The following NBAS variants were observed in gnomAD, a reference collection of about 807,000 sequenced individuals.
NBAS encodes NBAS subunit of NRZ tethering complex.
Under a neutral mutation model 302.5 loss-of-function variants are expected in NBAS, and 219 were observed. The ratio of observed to expected loss-of-function variants is 0.72; its 90% CI spans 0.65 to 0.81. NBAS has a LOEUF of 0.81. Among genes scored for constraint, NBAS ranks in the 30% least tolerant of loss-of-function variants. The pLI is 0.00. For synonymous variants in NBAS, 1,118 were observed against 1,021.6 expected (o/e 1.09, Z -1.80); for missense variants, 2,932 against 2,841.6 (o/e 1.03, Z -0.72).
At chr2:15,544,965 C>T (rs1262214082) in intron 6 of NBAS, among the ~76,000 whole-genome samples, 5 of 151,754 alleles carry the variant, frequency 3.3e-5, no homozygotes, top group Admixed American at 3.3e-4. Context: ...GAGCCAAGAT[C>T]GTGTCACTGC....
At chr2:14,969,373 A>G in the NBAS span, among the ~76,000 whole-genome samples, 1 of 151,142 alleles carries the variant, frequency 6.6e-6, no homozygotes, top group Non-Finnish European at 1.5e-5. Context: ...TCTCAAAGTT[A>G]TTATTATTAT....
At chr2:15,455,527 A>C (rs1422673309) in intron 21 of NBAS, among the ~76,000 whole-genome samples, 1 of 152,110 alleles carries the variant, frequency 6.6e-6, no homozygotes, top group Non-Finnish European at 1.5e-5. Context: ...TAAGTATATG[A>C]AGTATATAAG....
the NBAS span, among the ~76,000 whole-genome samples, chr2:14,793,792 G>A: frequency 6.6e-6 from 1 of 151,960 alleles, no homozygotes; most frequent in Admixed American, 6.6e-5. Flanking sequence ...AACTAAAGTC[G>A]AAGAGTCTTA....
intron 42 of NBAS, 80 bp from the exon 43 acceptor site, chr2:15,277,181 C>T (rs1443787402): frequency 2.6e-6 from 4 of 1,533,354 alleles, no homozygotes; most frequent in Non-Finnish European, 2.7e-6. Context: ...AAGGAAGAAA[C>T]ACTACTTCTT....
chr2:15,378,394 TG>T (rs1289546755), intron 30 of NBAS, among the ~76,000 whole-genome samples: 1 of 152,154 alleles, frequency 6.6e-6, no homozygotes, highest in Non-Finnish European at 1.5e-5. Context: ...AAATGGCTAG[TG>T]GAAGAACAGC....
intron 35 of NBAS, among the ~76,000 whole-genome samples, chr2:15,334,734 T>A (rs567515327): frequency 6.6e-6 from 1 of 152,312 alleles, no homozygotes; most frequent in South Asian, 2.1e-4. Flanking sequence ...ATATTCTCCT[T>A]TCCTGTGTTT....
chr2:15,518,256 A>G (rs1476980294), intron 9 of NBAS, among the ~76,000 whole-genome samples: 1 of 152,186 alleles, frequency 6.6e-6, no homozygotes, highest in Non-Finnish European at 1.5e-5. Flanking sequence ...ATATGCATTA[A>G]TGATTATATC....
chr2:15,032,527 T>TTCC, the NBAS span, among the ~76,000 whole-genome samples: 1 of 152,196 alleles, frequency 6.6e-6, no homozygotes, highest in Non-Finnish European at 1.5e-5. Flanking sequence ...AGTAACTGAA[T>TTCC]TCCTCCTCAT....
the NBAS span, among the ~76,000 whole-genome samples, chr2:14,889,327 A>G: frequency 1.3e-4 from 20 of 152,240 alleles, no homozygotes; most frequent in Admixed American, 2.6e-4. Flanking sequence ...ACGTAATGCC[A>G]TCAAGAAAAC....
At chr2:15,499,075 C>T (rs1681182212) in intron 11 of NBAS, among the ~76,000 whole-genome samples, 1 of 151,890 alleles carries the variant, frequency 6.6e-6, no homozygotes, top group Non-Finnish European at 1.5e-5. Context: ...ATGACAAGTA[C>T]GTGCCACCAC....
the NBAS span, among the ~76,000 whole-genome samples, chr2:14,974,155 T>C: frequency 6.6e-6 from 1 of 152,250 alleles, no homozygotes; most frequent in African/African-American, 2.4e-5. Context: ...TTTATGCACA[T>C]CTTGTTTCTA....
the NBAS span, among the ~76,000 whole-genome samples, chr2:14,846,288 G>C: frequency 6.6e-6 from 1 of 151,986 alleles, no homozygotes; most frequent in Non-Finnish European, 1.5e-5. Flanking sequence ...GAAACTTATA[G>C]AAAACCTATT....
At chr2:15,308,511 T>A (rs958835748) in intron 39 of NBAS, among the ~76,000 whole-genome samples, 158 bp from the exon 40 acceptor site, 6 of 152,160 alleles carry the variant, frequency 3.9e-5, no homozygotes, top group Non-Finnish European at 7.3e-5. Flanking sequence ...ATATTAAAAA[T>A]CACAAGGCAC....
chr2:14,964,578 C>T, the NBAS span, among the ~76,000 whole-genome samples: 1 of 152,080 alleles, frequency 6.6e-6, no homozygotes, highest in East Asian at 1.9e-4. Flanking sequence ...GACAAATAGA[C>T]AAACCCACAG....
At chr2:15,030,488 C>T in the NBAS span, among the ~76,000 whole-genome samples, 3 of 152,168 alleles carry the variant, frequency 2.0e-5, no homozygotes, top group African/African-American at 7.2e-5. Flanking sequence ...AGTTTCTTTA[C>T]CCAACATGGC....
At chr2:15,025,918 G>A in the NBAS span, among the ~76,000 whole-genome samples, 1 of 152,134 alleles carries the variant, frequency 6.6e-6, no homozygotes, top group African/African-American at 2.4e-5. Flanking sequence ...AACAGAGATA[G>A]TTTGGCTTCC....
At chr2:15,381,764 G>A (rs1474640629) in intron 29 of NBAS, among the ~76,000 whole-genome samples, 1 of 152,202 alleles carries the variant, frequency 6.6e-6, no homozygotes, top group Non-Finnish European at 1.5e-5. Flanking sequence ...TATGTGGTCA[G>A]AGACTGCAAT....
In NBAS at chr2:15,394,973, C is replaced by T. The variant is rs182878122; in HGVS notation, c.3135-624G>A. On this transcript the variant is annotated intron_variant, in intron 27 of 51. Transcript: ENST00000281513. ...ACAGGACTGAATAGAGTTACTGGAT[C>T]GAATCCAGTAACTCTTCAGAATATA... is the stretch of plus-strand genomic sequence containing the variant. Among the ~76,000 whole-genome samples, 625 of 152,118 alleles carry T rather than the reference C, an allele frequency of 4.1e-3. 3 individuals carry two copies. Among genetic ancestry groups the T allele is most frequent in the Admixed American group, 9.7e-3 (148 of 15,286 alleles).
At chr2:15,178,833 G>A (rs1421465181) in intron 51 of NBAS, among the ~76,000 whole-genome samples, 155 bp downstream of exon 51, 1 of 151,996 alleles carries the variant, frequency 6.6e-6, no homozygotes, top group East Asian at 1.9e-4. Flanking sequence ...TACACTGCTG[G>A]GACAAAACAG....
Sources: gnomAD v4.1 joint callset for allele counts (sites outside exome capture counted in the v4.1 genomes callset) on GRCh38, gnomAD v4.1.1 for gene constraint, MANE v1.5 for transcripts, NCBI Gene and HGNC (gene_info 2026-07-23, HGNC 2026-07-21) for gene names.